Variants in FLG2 observed in about 807,000 individuals in gnomAD.
FLG2 encodes the protein filaggrin 2.
Under a neutral mutation model 3.9 loss-of-function variants are expected in FLG2, and 7 were observed. The ratio of observed to expected loss-of-function variants is 1.79; its 90% CI spans 1.02 to 3.36. The LOEUF (loss-of-function observed/expected upper bound fraction) is 3.36. Ranked by LOEUF, FLG2 falls within the 30% of genes most tolerant of loss-of-function variation. FLG2 has a pLI of 0.00. For missense variants in FLG2, 2,700 were observed against 2,809.4 expected (o/e 0.96, Z 0.88); for synonymous variants, 1,031 against 1,056.1 (o/e 0.98, Z 0.46).
In FLG2 at chr1:152,352,371, C is replaced by T; in HGVS notation, c.5415G>A (p.Glu1805=). 3 of 1,613,732 alleles carry T rather than the reference C, an allele frequency of 1.9e-6. No homozygotes were observed. Among genetic ancestry groups the T allele is most frequent in the Non-Finnish European group, 2.5e-6 (3 of 1,179,956 alleles). Residue 1805 remains glutamate, a synonymous_variant, in exon 3 of 3, where the codon GAG becomes GAA. Coordinates refer to ENST00000388718, the MANE Select transcript of FLG2 (RefSeq NM_001014342.3). ...TTGRRSSGHS[E]YSDSEGHSGF... is the part of the protein sequence containing the mutation. ...CTGAGTGCCCTTCACTGTCACTGTA[C>T]TCACTGTGGCCAGATGACCTTCTTC...
chr1:152,357,075 A>G lies in FLG2; in HGVS notation c.711T>C (p.His237=), dbSNP rs762467836. The G allele has an allele frequency of 1.9e-6, 3 of 1,614,136 alleles. No homozygotes were observed. Among genetic ancestry groups the G allele is most frequent in the Non-Finnish European group, 2.5e-6 (3 of 1,180,020 alleles). ...TCTCCAATCCACATGACAGACCACC[A>G]TGACCTTTCCTTTCCCAACTGTTTG... The part of the protein sequence containing the change: ...SGSNSWERKG[H]GGLSCGLETS... The change falls in exon 3 of 3, where the codon CAT becomes CAC. Residue 237 remains histidine, a synonymous_variant. Coordinates refer to ENST00000388718, the MANE Select transcript of FLG2 (RefSeq NM_001014342.3).
Position 152,354,004 on chromosome 1 carries a change from C to G in FLG2, c.3782G>C (p.Gly1261Ala). The G allele has an allele frequency of 6.2e-7, 1 of 1,614,168 alleles. No homozygotes were observed. Among genetic ancestry groups the G allele is most frequent in the South Asian group, 1.1e-5 (1 of 91,084 alleles). Residue 1261 changes from glycine to alanine, a missense_variant, in exon 3 of 3, where the codon GGG becomes GCG. By Grantham distance (60) the Gly-to-Ala change is moderately conservative. Transcript: ENST00000388718. The part of the protein sequence containing the change: ...QSGQGQSTQT[G>A]SRVTRRRRSS... ...TCTTCGTCTTCTAGTTACCCTGGAC[C>G]CTGTCTGTGTGGATTGTCCTTGACC...
In FLG2 at chr1:152,356,231, C is replaced by T; in HGVS notation, c.1555G>A (p.Gly519Arg). ...GSVSGQSSGF[G>R]QHGSVSGQSS... ...TGTCCTGAGACAGACCCATGCTGTC[C>T]AAAACCAGAGGATTGTCCTGAGACA... The change falls in exon 3 of 3, where the codon GGA becomes AGA. Residue 519 changes from glycine to arginine, a missense_variant. By Grantham distance (125) the Gly-to-Arg change is moderately radical. Coordinates refer to ENST00000388718, the MANE Select transcript of FLG2 (RefSeq NM_001014342.3). 1 of 1,613,986 alleles carries T rather than the reference C, an allele frequency of 6.2e-7. No homozygotes were observed. Among genetic ancestry groups the T allele is most frequent in the Non-Finnish European group, 8.5e-7 (1 of 1,180,006 alleles).
chr1:152,356,153 G>A lies in FLG2; in HGVS notation c.1633C>T (p.Gln545Ter). The change falls in exon 3 of 3, where the codon CAA becomes TAA. Residue 545 changes from glutamine (Q) to a stop codon, truncating the protein, a stop_gained. Coordinates refer to ENST00000388718, the MANE Select transcript of FLG2 (RefSeq NM_001014342.3). LOFTEE classifies it low-confidence loss of function (END_TRUNC). ...ESRSRQSSYG[Q>*]HGSGSSQSSG... ...GATTGACTTGAGCCAGAACCATGTT[G>A]GCCATAGCTAGACTGACGTGATCTA... is the stretch of plus-strand genomic sequence containing the variant. The A allele has an allele frequency of 1.2e-6, 2 of 1,613,870 alleles. No homozygotes were observed. Among genetic ancestry groups the A allele is most frequent in the Non-Finnish European group, 1.7e-6 (2 of 1,180,010 alleles).
chr1:152,352,280 A>G lies in FLG2; in HGVS notation c.5506T>C (p.Ser1836Pro), dbSNP rs1207693465. 6.2e-7 allele frequency: 1 copy of G among 1,612,270 alleles called. No homozygotes were observed. Among genetic ancestry groups the G allele is most frequent in the Admixed American group, 1.7e-5 (1 of 59,800 alleles). Residue 1836 changes from serine (S) to proline (P), a missense_variant, in exon 3 of 3, where the codon TCA becomes CCA. Physicochemically the swap from Ser to Pro is moderately conservative, Grantham distance 74 (BLOSUM62 -1). Transcript: ENST00000388718. ...HGQAGSQHGE[S>P]ESIVDERHGT... Reference sequence around the variant, plus strand: ...TGTCTCTCGTCAACTATGGATTCTGACTCTCCATGTTGAGATCCAGCCTGG... The same window carrying G: ...TGTCTCTCGTCAACTATGGATTCTGGCTCTCCATGTTGAGATCCAGCCTGG...
At chr1:152,359,059 A>G (rs1367827469) in intron 1 of FLG2, among the ~76,000 whole-genome samples, 153 bp from the exon 2 acceptor site, 3 of 152,224 alleles carry the variant, frequency 2.0e-5, no homozygotes, top group Admixed American at 2.0e-4. Context: ...ACCCCGTTTA[A>G]CACAATGAAA....
rs750319916 is a variant in FLG2 at position 152,357,645 on chromosome 1, G to A, written c.141C>T (p.Asn47=). 4 of 1,610,056 alleles carry A rather than the reference G, an allele frequency of 2.5e-6. No homozygotes were observed. In the South Asian group the frequency reaches 4.4e-5, roughly 18 times the overall value. Residue 47 remains asparagine, a splice_region_variant and synonymous_variant, in exon 3 of 3, where the codon AAC becomes AAT. Transcript: ENST00000388718. ...LEKELHPVLK[N]PDDPDTVDVI... is the part of the protein sequence containing the mutation. ...CATCCACTGTGTCTGGATCATCTGG[G>A]TTCTGTATATGAGTGACACACCAAG...
Position 152,356,916 on chromosome 1 carries a change from C to A in FLG2, c.870G>T (p.Arg290Ser). Residue 290 changes from arginine to serine, a missense_variant, in exon 3 of 3, where the codon AGG becomes AGT. By Grantham distance (110) the Arg-to-Ser change is moderately radical (BLOSUM62 -1). Coordinates refer to ENST00000388718, the MANE Select transcript of FLG2 (RefSeq NM_001014342.3). ...CGYSNSSGCG[R>S]PQNASSSCQS... ...GACAAGAACTTGAAGCATTTTGTGG[C>A]CTTCCACACCCACTTGAATTGCTAT... is the stretch of plus-strand genomic sequence containing the variant. 4 of 1,614,196 alleles carry A rather than the reference C, an allele frequency of 2.5e-6. No homozygotes were observed. The highest frequency in any genetic ancestry group is 3.4e-6 in the Non-Finnish European group (4 of 1,180,032).
chr1:152,358,864 A>G lies in FLG2; in HGVS notation c.21T>C (p.Ser7=). The G allele has an allele frequency of 6.2e-7, 1 of 1,613,370 alleles. No individual in the cohort carries two copies. Among genetic ancestry groups the G allele is most frequent in the Non-Finnish European group, 8.5e-7 (1 of 1,179,766 alleles). ...AGAAAACATCAATTACGGTGACAAC[A>G]CTTCTCAAGAGGTCGGTCATCTTTT... MTDLLR[S]VVTVIDVFYK... Residue 7 remains serine, a synonymous_variant, in exon 2 of 3, where the codon AGT becomes AGC. Transcript: ENST00000388718.
At position 152,357,037 on chromosome 1, in the gene FLG2, T is replaced by A; in HGVS notation, c.749A>T (p.Glu250Val). 6.2e-7 allele frequency: 1 copy of A among 1,614,214 alleles called. No individual in the cohort carries two copies. The highest frequency in any genetic ancestry group is 2.2e-5 in the East Asian group (1 of 44,884). The change falls in exon 3 of 3, where the codon GAA becomes GTA. Residue 250 changes from glutamate (E) to valine (V), a missense_variant. Transcript: ENST00000388718. ...LSCGLETSGH[E>V]SNSTQSRIRE... ...AATTCTTGACTGAGTAGAGTTTGATTCATGCCCACTAGTCTCCAATCCACA... is the reference window on the plus strand; with the variant it reads ...AATTCTTGACTGAGTAGAGTTTGATACATGCCCACTAGTCTCCAATCCACA...
Position 152,356,030 on chromosome 1 carries a change from C to T in FLG2, c.1756G>A (p.Gly586Ser), listed in dbSNP as rs952413805. The T allele has an allele frequency of 6.2e-7, 1 of 1,613,288 alleles. No homozygotes were observed. The highest frequency in any genetic ancestry group is 1.3e-5 in the African/African-American group (1 of 74,690). The change falls in exon 3 of 3, where the codon GGC (glycine) becomes AGC (serine). Residue 586 changes from glycine (G) to serine (S), a missense_variant. By Grantham distance (56) the Gly-to-Ser change is moderately conservative (BLOSUM62 0). Transcript: ENST00000388718. The stretch of plus-strand genomic sequence containing the variant: ...CCAAAGCCAGAGGACTGACCTGAGC[C>T]CGATCCATATTGGCCAAAGCCAGTG... ...QSTGFGQYGS[G>S]SGQSSGFGQH...
chr1:152,356,417 C>T lies in FLG2; in HGVS notation c.1369G>A (p.Glu457Lys). The T allele has an allele frequency of 6.2e-7, 1 of 1,614,164 alleles. No homozygotes were observed. The highest frequency in any genetic ancestry group is 8.5e-7 in the Non-Finnish European group (1 of 1,180,032). Reference protein sequence around the residue: ...CGSGQTCGQHESTSSQSLGYD... With the variant: ...CGSGQTCGQHKSTSSQSLGYD... ...CCCAAGGATTGACTTGATGTAGACT[C>T]ATGCTGGCCACAAGTTTGACCTGAG... is the stretch of plus-strand genomic sequence containing the variant. The change falls in exon 3 of 3, where the codon GAG becomes AAG. Residue 457 changes from glutamate to lysine, a missense_variant. Coordinates refer to ENST00000388718, the MANE Select transcript of FLG2 (RefSeq NM_001014342.3).
rs1438118955 is a variant in FLG2, at chr1:152,351,671, G to T, written c.6115C>A (p.His2039Asn). ...GHSEYSDSEG[H>N]SGVSHTHSGH... ...GAATGTGTGTGTGAGACCCCTGAGTGCCCTTCACTGTCACTGTACTCACTG... is the reference window on the plus strand; with the variant it reads ...GAATGTGTGTGTGAGACCCCTGAGTTCCCTTCACTGTCACTGTACTCACTG... Residue 2039 changes from histidine (H) to asparagine (N), a missense_variant, in exon 3 of 3, where the codon CAC (histidine) becomes AAC (asparagine). Transcript: ENST00000388718. 1 of 1,610,956 alleles carries T rather than the reference G, an allele frequency of 6.2e-7. No homozygotes were observed. The highest frequency in any genetic ancestry group is 8.5e-7 in the Non-Finnish European group (1 of 1,179,468).
rs1405536233 is a variant in FLG2, at chr1:152,350,965, T to C, written c.6821A>G (p.His2274Arg). The C allele has an allele frequency of 6.2e-7, 1 of 1,613,932 alleles. No homozygotes were observed. The highest frequency in any genetic ancestry group is 8.5e-7 in the Non-Finnish European group (1 of 1,179,946). ...TTGAGATCCAGCTTGGCCCTGAATG[T>C]GTCCTGAATGTGTGTGTGAGCCCCA... The part of the protein sequence containing the change: ...HSWGSHTHSG[H>R]IQGQAGSQQR... Residue 2274 changes from histidine (H) to arginine (R), a missense_variant, in exon 3 of 3, where the codon CAC (histidine) becomes CGC (arginine). Coordinates refer to ENST00000388718, the MANE Select transcript of FLG2 (RefSeq NM_001014342.3).
chr1:152,358,025 C>CT lies in FLG2; in HGVS notation c.139-379dup, dbSNP rs5777805. Among the ~76,000 whole-genome samples the CT allele has an allele frequency of 7.8e-3, 1,124 of 144,586 alleles. 12 individuals are homozygous for CT. Among genetic ancestry groups the CT allele is most frequent in the South Asian group, 0.023 (103 of 4,504 alleles). 94.9% of individuals were successfully genotyped at this position (144,586 alleles called of 152,430 possible). A position where few individuals can be genotyped will look rare whatever the true frequency, so the allele number is the denominator to read the frequency against. ...ATTATTTTGAAGTTAATAACTGAGT[C>CT]TTTTTTTTTTTTTTGAGATGGAGTC... On this transcript the variant is annotated intron_variant, in intron 2 of 2. Coordinates refer to ENST00000388718, the MANE Select transcript of FLG2 (RefSeq NM_001014342.3).
chr1:152,354,497 C>T lies in FLG2; in HGVS notation c.3289G>A (p.Gly1097Arg). Residue 1097 changes from glycine (G) to arginine (R), a missense_variant, in exon 3 of 3, where the codon GGA becomes AGA. Transcript: ENST00000388718. Reference sequence around the variant, plus strand: ...TGTTGTCCAAATCCAGATGTCTGTCCTGAATTTGACCCATGTTGACCATAG... The same window carrying T: ...TGTTGTCCAAATCCAGATGTCTGTCTTGAATTTGACCCATGTTGACCATAG... ...SGYGQHGSNS[G>R]QTSGFGQHRP... is the part of the protein sequence containing the mutation. The T allele has an allele frequency of 6.2e-7, 1 of 1,614,002 alleles. No individual in the cohort carries two copies. The highest frequency in any genetic ancestry group is 8.5e-7 in the Non-Finnish European group (1 of 1,179,996).
chr1:152,358,831 G>A lies in FLG2; in HGVS notation c.54C>T (p.Tyr18=), dbSNP rs1309468550. The A allele has an allele frequency of 3.1e-6, 5 of 1,614,050 alleles. No individual in the cohort carries two copies. The East Asian group carries it at 8.9e-5, about 29-fold the overall frequency. ...TGCCACACTCCCCATCTTGCTTGGTGTATTTGTAGAAAACATCAATTACGG... is the reference window on the plus strand; with the variant it reads ...TGCCACACTCCCCATCTTGCTTGGTATATTTGTAGAAAACATCAATTACGG... The part of the protein sequence containing the change: ...VVTVIDVFYK[Y]TKQDGECGTL... Residue 18 remains tyrosine (Y), a synonymous_variant, in exon 2 of 3, where the codon TAC becomes TAT. Transcript: ENST00000388718.
rs765522033 is a variant in FLG2 at position 152,355,700 on chromosome 1, G to T, written c.2086C>A (p.His696Asn). 3 of 1,613,774 alleles carry T rather than the reference G, an allele frequency of 1.9e-6. No homozygotes were observed. The African/African-American group carries it at 4.0e-5, about 22-fold the overall frequency. ...SRSGHSSYGQ[H>N]GFGSSQSSGY... ...GATGATTGACTTGAGCCAAAACCAT[G>T]TTGGCCATAGCTAGAATGACCTGAT... Residue 696 changes from histidine (H) to asparagine (N), a missense_variant, in exon 3 of 3, where the codon CAT (histidine) becomes AAT (asparagine). Physicochemically the swap from His to Asn is moderately conservative, Grantham distance 68. Coordinates refer to ENST00000388718, the MANE Select transcript of FLG2 (RefSeq NM_001014342.3).
Position 152,357,201 on chromosome 1 carries a change from G to A in FLG2, c.585C>T (p.Asp195=), listed in dbSNP as rs142857077. 1,295 of 1,614,184 alleles carry A rather than the reference G, an allele frequency of 8.0e-4. 1 individual carries two copies. Among genetic ancestry groups the A allele is most frequent in the Middle Eastern group, 3.0e-3 (18 of 6,062 alleles). Residue 195 remains aspartate (D), a synonymous_variant, in exon 3 of 3, where the codon GAC becomes GAT. Transcript: ENST00000388718. Reference sequence around the variant, plus strand: ...GTTCTACAGAGCTGGAACCATGTCTGTCTTTGCCACCACTCCATGAATGAC... The same window carrying A: ...GTTCTACAGAGCTGGAACCATGTCTATCTTTGCCACCACTCCATGAATGAC... The part of the protein sequence containing the change: ...SCGHSWSGGK[D]RHGSSSVELR...
Sources: allele counts gnomAD v4.1 joint callset (sites outside exome capture counted in the v4.1 genomes callset), GRCh38; gene constraint gnomAD v4.1.1; transcripts MANE v1.5; gene names NCBI Gene and HGNC (gene_info 2026-07-23, HGNC 2026-07-21).